Variants in CIB1 observed in about 807,000 individuals in gnomAD.
CIB1 encodes calcium and integrin-binding protein 1.
A neutral mutation model predicts 25.0 loss-of-function variants in CIB1; 19 were observed. That is an observed-to-expected ratio of 0.76 (90% CI 0.53 to 1.12). The LOEUF (loss-of-function observed/expected upper bound fraction) is 1.12. CIB1 is among the 50% of genes most tolerant of loss of function. CIB1 has a pLI of 0.00. For synonymous variants in CIB1, 104 were observed against 98.5 expected, an observed-to-expected ratio of 1.06 and a Z score of -0.33; for missense variants, 236 against 242.6, an observed-to-expected ratio of 0.97 and a Z score of 0.18.
At chr15:90,251,627 G>A in the CIB1 span, 6 of 1,608,126 alleles carry the variant, frequency 3.7e-6, no homozygotes, top group South Asian at 2.2e-5. Context: ...ACACTGTGGT[G>A]CATAACATGG....
the CIB1 span, chr15:90,255,922 G>A: frequency 1.1e-5 from 17 of 1,613,338 alleles, no homozygotes; most frequent in Non-Finnish European, 1.4e-5. Flanking sequence ...AGATACCAGG[G>A]GGAGGAAAAG....
intron 2 of CIB1, 40 bp from the exon 3 acceptor site, chr15:90,232,367 G>C: frequency 6.4e-7 from 1 of 1,567,960 alleles, no homozygotes; most frequent in Non-Finnish European, 8.7e-7. Flanking sequence ...CTCAGCGATC[G>C]GTCTCCCTGT....
the CIB1 span, chr15:90,241,094 A>C: frequency 2.5e-6 from 4 of 1,613,988 alleles, no homozygotes; most frequent in Non-Finnish European, 1.7e-6. Context: ...TTGATGCTGC[A>C]CTCTGCTCTG....
the CIB1 span, chr15:90,258,018 C>G: frequency 6.2e-7 from 1 of 1,610,952 alleles, no homozygotes; most frequent in Non-Finnish European, 8.5e-7. Flanking sequence ...TGGCCTTCCT[C>G]TGAGCACTGG....
At chr15:90,257,597 A>G in the CIB1 span, 10 of 1,591,134 alleles carry the variant, frequency 6.3e-6, no homozygotes, top group Non-Finnish European at 8.6e-6. Flanking sequence ...GGACGGCCGC[A>G]TGCAGACAGT....
At chr15:90,250,598 T>C in the CIB1 span, 2 of 1,601,436 alleles carry the variant, frequency 1.2e-6, no homozygotes, top group Admixed American at 1.7e-5. Flanking sequence ...ATACACTTCA[T>C]TCCCACCCCG....
At position 90,231,582 on chromosome 15, in the gene CIB1, G is replaced by A. The variant is rs1596171080; in HGVS notation, c.196-75C>T. 4 of 1,545,570 alleles carry A rather than the reference G, an allele frequency of 2.6e-6. No individual in the cohort carries two copies. The South Asian group carries it at 4.8e-5, about 19-fold the overall frequency. On this transcript the variant is annotated intron_variant, in intron 3 of 6. Transcript: ENST00000328649. The stretch of plus-strand genomic sequence containing the variant: ...AGCCTACCAGAAACTTGAGAGAGCA[G>A]GTCACAGGACCAGCACCAGCGAGCT...
chr15:90,261,699 A>G, the CIB1 span, among the ~76,000 whole-genome samples: 1 of 152,156 alleles, frequency 6.6e-6, no homozygotes, highest in Non-Finnish European at 1.5e-5. Context: ...AGAACTGCTT[A>G]AACCTGGGAG....
At chr15:90,241,050 C>T in the CIB1 span, 1 of 1,614,088 alleles carries the variant, frequency 6.2e-7, no homozygotes, top group South Asian at 1.1e-5. Flanking sequence ...AAGGAATGCA[C>T]CTGGCATCCC....
At chr15:90,241,102 C>T in the CIB1 span, 3 of 1,614,184 alleles carry the variant, frequency 1.9e-6, no homozygotes. Context: ...GCACTCTGCT[C>T]TGCCTGGAAG....
At chr15:90,253,304 G>T in the CIB1 span, 1 of 1,613,760 alleles carries the variant, frequency 6.2e-7, no homozygotes, top group Non-Finnish European at 8.5e-7. Context: ...ATGAAGAGTG[G>T]ACTCTGTACT....
In CIB1 at chr15:90,230,339, G is replaced by A. The variant is rs557900089; in HGVS notation, c.*145C>T. The A allele has an allele frequency of 2.2e-3, 1,920 of 865,560 alleles. 41 individuals carry two copies. The South Asian group carries it at 0.027, about 12-fold the overall frequency. The allele number at this position is 865,560 out of a possible 1,614,324, so 53.6% of individuals were successfully genotyped here. ...AGGAGAGGCCCTGACAACGAGGGCC[G>A]CCCCTGCCCGGGGTGAGGCTGCACA... On this transcript the variant is annotated 3_prime_UTR_variant, in exon 7 of 7. Transcript: ENST00000328649.
At chr15:90,257,844 C>T in the CIB1 span, 1 of 1,053,560 alleles carries the variant, frequency 9.5e-7, no homozygotes, top group South Asian at 1.5e-5. Context: ...CTTTATAGAC[C>T]CTGTCCTGTG....
At chr15:90,255,284 G>T in the CIB1 span, among the ~76,000 whole-genome samples, 2 of 152,252 alleles carry the variant, frequency 1.3e-5, no homozygotes, top group African/African-American at 2.4e-5. Context: ...GGGGTTTCTG[G>T]CAGGCACCAG....
At chr15:90,252,960 G>A in the CIB1 span, among the ~76,000 whole-genome samples, 4 of 152,256 alleles carry the variant, frequency 2.6e-5, no homozygotes, top group Non-Finnish European at 5.9e-5. Flanking sequence ...CCAAGACCGT[G>A]CCACTGCACT....
At chr15:90,264,809 C>A in the CIB1 span, 1 of 1,536,142 alleles carries the variant, frequency 6.5e-7, no homozygotes, top group Non-Finnish European at 8.7e-7. Context: ...GGGCTATTTT[C>A]TGCAACCGGA....
At chr15:90,241,619 C>T in the CIB1 span, 3 of 1,613,992 alleles carry the variant, frequency 1.9e-6, no homozygotes, top group Non-Finnish European at 2.5e-6. Context: ...CAAGCGAGCC[C>T]CTGGACCCTG....
chr15:90,246,774 T>G, the CIB1 span, among the ~76,000 whole-genome samples: 1 of 94,336 alleles, frequency 1.1e-5, no homozygotes, highest in African/African-American at 4.1e-5. Context: ...GGCAACAGAG[T>G]GAGACTCTGT....
the CIB1 span, chr15:90,265,617 T>C: frequency 2.0e-6 from 3 of 1,495,170 alleles, no homozygotes; most frequent in African/African-American, 2.8e-5. Flanking sequence ...AACTTGCTAC[T>C]ACCCAGCCTC....
Sources: allele counts gnomAD v4.1 joint callset (sites outside exome capture counted in the v4.1 genomes callset), GRCh38; gene constraint gnomAD v4.1.1; transcripts MANE v1.5; gene names NCBI Gene and HGNC (gene_info 2026-07-23, HGNC 2026-07-21).